The following TNFSF4 variants were observed in gnomAD, a reference collection of about 807,000 sequenced individuals.
TNFSF4 encodes the protein tumor necrosis factor ligand superfamily member 4.
In TNFSF4, 4 loss-of-function variants were observed where a neutral mutation model predicts 7.3. That is an observed-to-expected ratio of 0.55 (90% CI 0.27 to 1.25). The LOEUF (loss-of-function observed/expected upper bound fraction) is 1.25. TNFSF4 is among the 50% of genes most tolerant of loss of function. TNFSF4 has a pLI of 0.12. For missense variants in TNFSF4, 181 were observed against 208.8 expected (o/e 0.87, Z 0.82); for synonymous variants, 76 against 83.7 (o/e 0.91, Z 0.50).
At chr1:173,282,716 C>T in the TNFSF4 span, among the ~76,000 whole-genome samples, 8 of 152,046 alleles carry the variant, frequency 5.3e-5, no homozygotes, top group Admixed American at 2.0e-4. Flanking sequence ...CTTGGTCTTC[C>T]AAAGTGCTGG....
chr1:173,329,293 A>C, the TNFSF4 span, among the ~76,000 whole-genome samples: 1 of 152,184 alleles, frequency 6.6e-6, no homozygotes, highest in South Asian at 2.1e-4. Context: ...ATATACTTTA[A>C]ATCATGTCTA....
chr1:173,434,252 T>C, the TNFSF4 span, among the ~76,000 whole-genome samples: 1 of 152,272 alleles, frequency 6.6e-6, no homozygotes, highest in Non-Finnish European at 1.5e-5. Flanking sequence ...TATATTTTCT[T>C]GTCTTGTATC....
At chr1:173,394,556 C>A in the TNFSF4 span, among the ~76,000 whole-genome samples, 4 of 152,184 alleles carry the variant, frequency 2.6e-5, no homozygotes, top group South Asian at 4.1e-4. Flanking sequence ...CTAAGTAAAG[C>A]AGATTGTCTT....
chr1:173,442,303 A>G, the TNFSF4 span, among the ~76,000 whole-genome samples: 1 of 152,108 alleles, frequency 6.6e-6, no homozygotes, highest in Admixed American at 6.6e-5. Flanking sequence ...ACCTTCATTC[A>G]GGAAAAACAG....
the TNFSF4 span, among the ~76,000 whole-genome samples, chr1:173,214,399 T>C: frequency 5.3e-5 from 8 of 152,276 alleles, no homozygotes; most frequent in African/African-American, 1.9e-4. Context: ...CCCAGTAAAG[T>C]TTATCTAAGC....
the TNFSF4 span, among the ~76,000 whole-genome samples, chr1:173,244,089 T>C: frequency 2.0e-5 from 3 of 152,206 alleles, no homozygotes; most frequent in Non-Finnish European, 4.4e-5. Context: ...ATATTAAACA[T>C]TCAAAGAGTG....
the TNFSF4 span, among the ~76,000 whole-genome samples, chr1:173,249,803 T>A: frequency 1.3e-5 from 2 of 152,206 alleles, no homozygotes; most frequent in Non-Finnish European, 2.9e-5. Flanking sequence ...AGTACCTGCT[T>A]CACAGAGTTC....
intron 2 of TNFSF4, among the ~76,000 whole-genome samples, chr1:173,187,512 G>A (rs538643643): frequency 2.6e-5 from 4 of 152,266 alleles, no homozygotes; most frequent in East Asian, 1.9e-4. Context: ...CTTTGTTAGC[G>A]GTCACTTAAG....
At chr1:173,330,038 A>G in the TNFSF4 span, among the ~76,000 whole-genome samples, 2 of 152,278 alleles carry the variant, frequency 1.3e-5, no homozygotes, top group East Asian at 3.9e-4. Flanking sequence ...GGATTTGTTC[A>G]GGCCATAGGG....
the TNFSF4 span, among the ~76,000 whole-genome samples, chr1:173,321,275 A>T: frequency 6.6e-6 from 1 of 152,228 alleles, no homozygotes; most frequent in African/African-American, 2.4e-5. Flanking sequence ...GGCTAGCCAT[A>T]TGCAGAAAAC....
At chr1:173,203,521 T>C (rs1191812493) in intron 1 of TNFSF4, among the ~76,000 whole-genome samples, 1 of 152,148 alleles carries the variant, frequency 6.6e-6, no homozygotes, top group Non-Finnish European at 1.5e-5. Context: ...TGAAACAATA[T>C]TTTTTTCAGG....
chr1:173,405,514 C>T, the TNFSF4 span, among the ~76,000 whole-genome samples: 1 of 152,144 alleles, frequency 6.6e-6, no homozygotes, highest in Non-Finnish European at 1.5e-5. Context: ...AACCACTGTG[C>T]CAAGATATTT....
chr1:173,224,001 C>T, the TNFSF4 span, among the ~76,000 whole-genome samples: 10 of 152,136 alleles, frequency 6.6e-5, no homozygotes, highest in Non-Finnish European at 1.2e-4. Context: ...ATGCTCTAGC[C>T]CAAAGCCCCC....
the TNFSF4 span, among the ~76,000 whole-genome samples, chr1:173,373,317 G>T: frequency 2.6e-5 from 4 of 152,188 alleles, no homozygotes; most frequent in East Asian, 7.7e-4. Context: ...GGCCAAAATT[G>T]CTGCCAGGAG....
the TNFSF4 span, among the ~76,000 whole-genome samples, chr1:173,303,413 A>G: frequency 6.6e-6 from 1 of 151,784 alleles, no homozygotes; most frequent in African/African-American, 2.4e-5. Context: ...TCTGTGCCCA[A>G]GCTGTCTTAT....
At chr1:173,435,290 AACTT>A in the TNFSF4 span, among the ~76,000 whole-genome samples, 1 of 152,230 alleles carries the variant, frequency 6.6e-6, no homozygotes, top group African/African-American at 2.4e-5. Context: ...AACATTCTAA[AACTT>A]ACTAAATAAC....
the TNFSF4 span, among the ~76,000 whole-genome samples, chr1:173,268,723 A>G: frequency 1.4e-4 from 21 of 152,118 alleles, no homozygotes; most frequent in African/African-American, 4.1e-4. Context: ...CAATCCAGCT[A>G]TATACTGTCT....
chr1:173,381,867 G>A, the TNFSF4 span, among the ~76,000 whole-genome samples: 189 of 152,278 alleles, frequency 1.2e-3, 1 homozygote, highest in Non-Finnish European at 2.1e-3. Context: ...GCTAAAGTTT[G>A]TAAATGCACC....
the TNFSF4 span, among the ~76,000 whole-genome samples, chr1:173,338,325 A>G: frequency 3.3e-5 from 5 of 152,164 alleles, no homozygotes; most frequent in Non-Finnish European, 5.9e-5. Context: ...TCATCTGTGG[A>G]CTTACAGAAT....
Sources: gnomAD v4.1 joint callset for allele counts (sites outside exome capture counted in the v4.1 genomes callset) on GRCh38, gnomAD v4.1.1 for gene constraint, MANE v1.5 for transcripts, NCBI Gene and HGNC (gene_info 2026-07-23, HGNC 2026-07-21) for gene names.